LINGO2: variants seen among roughly 807,000 people sequenced by gnomAD.
LINGO2 encodes the protein leucine-rich repeat and immunoglobulin-like domain-containing nogo receptor-interacting protein 2.
A neutral mutation model predicts 30.6 loss-of-function variants in LINGO2; 14 were observed. That is an observed-to-expected ratio of 0.46 (90% CI 0.30 to 0.72). The LOEUF is 0.72. Ranked by LOEUF, LINGO2 falls within the 30% of genes least tolerant of loss-of-function variation. The pLI, the probability that LINGO2 is intolerant of heterozygous loss-of-function variation, is 0.07. For missense variants in LINGO2, 729 were observed against 751.7 expected (o/e 0.97, Z 0.35); for synonymous variants, 317 against 288.5 (o/e 1.10, Z -1.00).
intron 2 of LINGO2, among the ~76,000 whole-genome samples, chr9:28,455,890 T>C (rs1475984641): frequency 2.6e-5 from 4 of 152,138 alleles, no homozygotes; most frequent in African/African-American, 4.8e-5. Flanking sequence ...CCAGGGGCTA[T>C]ACTCTCTGAC....
At chr9:28,220,916 T>C (rs182065534) in intron 4 of LINGO2, among the ~76,000 whole-genome samples, 56 of 152,204 alleles carry the variant, frequency 3.7e-4, no homozygotes, top group Middle Eastern at 3.4e-3. Flanking sequence ...GTCAATCAAA[T>C]ATGTAATTAC....
intron 4 of LINGO2, among the ~76,000 whole-genome samples, chr9:28,192,017 G>A (rs145820654): frequency 1.4e-4 from 21 of 151,964 alleles, no homozygotes; most frequent in African/African-American, 3.4e-4. Context: ...TTGAAAGCCC[G>A]ACTTGTATTT....
chr9:28,983,083 C>A, the LINGO2 span, among the ~76,000 whole-genome samples: 3 of 151,686 alleles, frequency 2.0e-5, no homozygotes, highest in Non-Finnish European at 2.9e-5. Flanking sequence ...TGAAATGCTG[C>A]CAATTTCAAG....
At chr9:28,244,935 C>G (rs1477822956) in intron 4 of LINGO2, among the ~76,000 whole-genome samples, 2 of 152,032 alleles carry the variant, frequency 1.3e-5, no homozygotes, top group East Asian at 3.9e-4. Flanking sequence ...AAAGTAAGGA[C>G]TCCTCCCTAA....
At chr9:28,332,446 C>T (rs1219218301) in intron 3 of LINGO2, among the ~76,000 whole-genome samples, 3 of 151,936 alleles carry the variant, frequency 2.0e-5, no homozygotes, top group Admixed American at 6.6e-5. Flanking sequence ...CTCTAATAAA[C>T]GAAAAAGACA....
chr9:29,010,550 T>G, the LINGO2 span, among the ~76,000 whole-genome samples: 1 of 152,170 alleles, frequency 6.6e-6, no homozygotes, highest in Non-Finnish European at 1.5e-5. Flanking sequence ...TGCACATGTA[T>G]TCCTGTTATA....
chr9:28,110,161 A>G (rs1468772644), intron 4 of LINGO2, among the ~76,000 whole-genome samples: 1 of 152,230 alleles, frequency 6.6e-6, no homozygotes, highest in Non-Finnish European at 1.5e-5. Flanking sequence ...TCCCTATTTA[A>G]TAAATGGTGC....
chr9:29,073,489 A>C, the LINGO2 span, among the ~76,000 whole-genome samples: 2 of 152,186 alleles, frequency 1.3e-5, no homozygotes, highest in Non-Finnish European at 2.9e-5. Context: ...AATGTTTATA[A>C]AATTTTAAAT....
intron 1 of LINGO2, among the ~76,000 whole-genome samples, chr9:28,482,751 T>G (rs1190928267): frequency 6.6e-6 from 1 of 152,110 alleles, no homozygotes; most frequent in Non-Finnish European, 1.5e-5. Flanking sequence ...GGGAAAGGGT[T>G]CCCTATTTAA....
the LINGO2 span, among the ~76,000 whole-genome samples, chr9:28,843,116 C>G: frequency 6.6e-6 from 1 of 151,654 alleles, no homozygotes; most frequent in Non-Finnish European, 1.5e-5. Flanking sequence ...TTCTTGAAGT[C>G]CTATGAATAT....
chr9:28,293,184 G>A (rs1366303416), intron 4 of LINGO2, among the ~76,000 whole-genome samples: 1 of 151,850 alleles, frequency 6.6e-6, no homozygotes, highest in Non-Finnish European at 1.5e-5. Context: ...TGTAACCTCC[G>A]ACTCTTGGGC....
the LINGO2 span, among the ~76,000 whole-genome samples, chr9:29,191,486 C>G: frequency 1.3e-5 from 2 of 151,656 alleles, no homozygotes; most frequent in South Asian, 4.1e-4. Flanking sequence ...TTTTTGGCGG[C>G]AATGATTTTA....
At chr9:28,994,185 T>C in the LINGO2 span, among the ~76,000 whole-genome samples, 1 of 152,108 alleles carries the variant, frequency 6.6e-6, no homozygotes, top group Non-Finnish European at 1.5e-5. Flanking sequence ...GGATACAACA[T>C]CAATGTACAA....
the LINGO2 span, among the ~76,000 whole-genome samples, chr9:29,176,800 T>C: frequency 2.0e-5 from 3 of 152,218 alleles, no homozygotes; most frequent in Non-Finnish European, 4.4e-5. Flanking sequence ...AATGCAACTT[T>C]TTACTTTTGC....
chr9:29,107,177 A>T, the LINGO2 span, among the ~76,000 whole-genome samples: 7 of 152,290 alleles, frequency 4.6e-5, no homozygotes, highest in Middle Eastern at 3.4e-3. Context: ...AGAAAAAATA[A>T]TAAATCCTGC....
At chr9:28,920,340 T>C in the LINGO2 span, among the ~76,000 whole-genome samples, 1 of 151,868 alleles carries the variant, frequency 6.6e-6, no homozygotes, top group Admixed American at 6.6e-5. Flanking sequence ...AAGCTCAGCT[T>C]TGCTATTAAT....
At chr9:28,031,726 A>G (rs1191223954) in intron 4 of LINGO2, among the ~76,000 whole-genome samples, 1 of 152,166 alleles carries the variant, frequency 6.6e-6, no homozygotes, top group African/African-American at 2.4e-5. Context: ...CTGATTGGGA[A>G]TACCTGGGAG....
chr9:27,950,355 T>C (rs781575883), exon 6 of LINGO2: 1 of 1,614,160 alleles, frequency 6.2e-7, no homozygotes, highest in Admixed American at 1.7e-5. Context: ...GGAACGCAGG[T>C]TAAAGAGATT....
chr9:29,081,987 A>C, the LINGO2 span, among the ~76,000 whole-genome samples: 1 of 152,192 alleles, frequency 6.6e-6, no homozygotes. Context: ...CAATATCGTG[A>C]AAATGGCCAT....
Sources: gnomAD v4.1 joint callset for allele counts (sites outside exome capture counted in the v4.1 genomes callset) on GRCh38, gnomAD v4.1.1 for gene constraint, MANE v1.5 for transcripts, NCBI Gene and HGNC (gene_info 2026-07-23, HGNC 2026-07-21) for gene names.